Variants in CNTN5 observed in about 807,000 individuals in gnomAD.
The protein encoded by CNTN5 is contactin-5.
Under a neutral mutation model 129.1 loss-of-function variants are expected in CNTN5, and 77 were observed. The ratio of observed to expected loss-of-function variants is 0.60; its 90% CI spans 0.50 to 0.72. The LOEUF (loss-of-function observed/expected upper bound fraction) is 0.72. Ranked by LOEUF, CNTN5 falls within the 30% of genes least tolerant of loss-of-function variation. The pLI, the probability that CNTN5 is intolerant of heterozygous loss-of-function variation, is 0.00. For missense variants in CNTN5, 1,478 were observed against 1,328.8 expected, an observed-to-expected ratio of 1.11 and a Z score of -1.75; for synonymous variants, 509 against 465.6, an observed-to-expected ratio of 1.09 and a Z score of -1.20.
intron 13 of CNTN5, among the ~76,000 whole-genome samples, chr11:100,083,235 T>C (rs1944427551): frequency 6.6e-6 from 1 of 151,040 alleles, no homozygotes; most frequent in South Asian, 2.1e-4. Flanking sequence ...GAGAATCACT[T>C]GAACCCAGGA....
At chr11:99,615,865 G>A (rs1010002373) in intron 3 of CNTN5, among the ~76,000 whole-genome samples, 4 of 151,658 alleles carry the variant, frequency 2.6e-5, no homozygotes, top group Admixed American at 6.6e-5. Context: ...GCACTCAAGC[G>A]ATCCTCCCAC....
chr11:99,343,724 C>T (rs545033359), intron 2 of CNTN5, among the ~76,000 whole-genome samples: 1 of 152,244 alleles, frequency 6.6e-6, no homozygotes, highest in African/African-American at 2.4e-5. Context: ...ATGAAAAACT[C>T]ATAATGACCA....
intron 3 of CNTN5, among the ~76,000 whole-genome samples, chr11:99,753,517 A>G (rs1425030535): frequency 6.6e-6 from 1 of 151,010 alleles, no homozygotes. Flanking sequence ...AATGTCCCAT[A>G]TTTCTCCCTG....
intron 10 of CNTN5, among the ~76,000 whole-genome samples, chr11:100,068,865 C>T (rs952058018): frequency 5.3e-5 from 8 of 152,096 alleles, no homozygotes; most frequent in Non-Finnish European, 4.4e-5. Flanking sequence ...AGCAAAATTC[C>T]CTCTTAGAAA....
At chr11:99,453,217 T>C (rs2135201135) in intron 2 of CNTN5, among the ~76,000 whole-genome samples, 1 of 152,360 alleles carries the variant, frequency 6.6e-6, no homozygotes, top group South Asian at 2.1e-4. Flanking sequence ...TTATTCATTT[T>C]TTTAGACATA....
chr11:99,866,429 C>T (rs1948359061), intron 6 of CNTN5, among the ~76,000 whole-genome samples: 1 of 152,078 alleles, frequency 6.6e-6, no homozygotes, highest in African/African-American at 2.4e-5. Context: ...ATTTGCAATA[C>T]AATCTGCAAG....
rs1339511374 is a variant in CNTN5 at position 99,446,262 on chromosome 11, C to G, written c.-70-109883C>G. Among the ~76,000 whole-genome samples, 4 of 151,976 alleles carry G rather than the reference C, an allele frequency of 2.6e-5. 1 individual carries two copies. The highest frequency in any genetic ancestry group is 2.1e-4 in the South Asian group (1 of 4,816). ...ATTTTAGCTGTGGACATTTTTGAAGCCTTGGTGCACATTATTTTCTTTCTG... is the reference window on the plus strand; with the variant it reads ...ATTTTAGCTGTGGACATTTTTGAAGGCTTGGTGCACATTATTTTCTTTCTG... On this transcript the variant is annotated intron_variant, in intron 2 of 24. Transcript: ENST00000524871.
At chr11:99,114,189 T>G (rs575197469) in intron 1 of CNTN5, among the ~76,000 whole-genome samples, 1 of 147,690 alleles carries the variant, frequency 6.8e-6, no homozygotes, top group African/African-American at 2.5e-5. Flanking sequence ...CATTTCAGCC[T>G]TTGTCTTTCT....
intron 3 of CNTN5, among the ~76,000 whole-genome samples, chr11:99,574,954 G>T (rs1843027179): frequency 6.6e-6 from 1 of 152,000 alleles, no homozygotes; most frequent in African/African-American, 2.4e-5. Context: ...GTACATTTTT[G>T]GGAAATAGAC....
At chr11:99,918,667 T>C (rs1949856161) in intron 7 of CNTN5, among the ~76,000 whole-genome samples, 1 of 152,156 alleles carries the variant, frequency 6.6e-6, no homozygotes, top group African/African-American at 2.4e-5. Flanking sequence ...TATAGTACAG[T>C]ATATGGTACA....
chr11:99,673,409 A>T (rs962138620), intron 3 of CNTN5, among the ~76,000 whole-genome samples: 6 of 152,316 alleles, frequency 3.9e-5, no homozygotes, highest in African/African-American at 1.4e-4. Flanking sequence ...ACTTCTGTAA[A>T]GCATCAAGAA....
intron 2 of CNTN5, among the ~76,000 whole-genome samples, chr11:99,349,173 C>T (rs1378231168): frequency 6.6e-6 from 1 of 152,090 alleles, no homozygotes; most frequent in East Asian, 1.9e-4. Context: ...GCCAGACCAC[C>T]CTGAATGTGC....
At chr11:100,289,989 G>A (rs1337520460) in intron 18 of CNTN5, among the ~76,000 whole-genome samples, 2 of 151,032 alleles carry the variant, frequency 1.3e-5, no homozygotes, top group African/African-American at 4.9e-5. Flanking sequence ...CAAATCATGA[G>A]TGAACTCCCA....
intron 1 of CNTN5, among the ~76,000 whole-genome samples, chr11:99,097,663 A>G (rs1046591396): frequency 8.6e-5 from 13 of 152,018 alleles, no homozygotes; most frequent in Non-Finnish European, 1.5e-4. Context: ...CTTTATATCT[A>G]TTTTTGAAAA....
rs1940655907 is a variant in CNTN5 at position 100,013,612 on chromosome 11, C to G, written c.980+11476C>G. On this transcript the variant is annotated intron_variant, in intron 9 of 24. Transcript: ENST00000524871. ...GATTACAAACAGGAATGAATTTAGG[C>G]AAATTATGTATCCCATTTGACCTGT... 5.9e-5 allele frequency among the ~76,000 whole-genome samples: 9 copies of G among 152,144 alleles called. No individual in the cohort carries two copies. The South Asian group carries it at 1.9e-3, about 31-fold the overall frequency.
intron 9 of CNTN5, among the ~76,000 whole-genome samples, chr11:100,051,094 G>A (rs1226260648): frequency 6.6e-6 from 1 of 151,906 alleles, no homozygotes. Context: ...ATTATAAGAA[G>A]AACAAGAAGA....
At chr11:99,736,202 G>A (rs1344002574) in intron 3 of CNTN5, among the ~76,000 whole-genome samples, 1 of 152,156 alleles carries the variant, frequency 6.6e-6, no homozygotes, top group Non-Finnish European at 1.5e-5. Context: ...AAGTTGCAGG[G>A]CTAGACAGAG....
chr11:99,681,301 ATGCTAT>A (rs1192342170), intron 3 of CNTN5, among the ~76,000 whole-genome samples: 1 of 151,906 alleles, frequency 6.6e-6, no homozygotes, highest in African/African-American at 2.4e-5. Flanking sequence ...AGTGAGTAAA[ATGCTAT>A]CAAACAGCAT....
chr11:99,355,433 C>A (rs1465067163), intron 2 of CNTN5, among the ~76,000 whole-genome samples: 1 of 152,104 alleles, frequency 6.6e-6, no homozygotes, highest in Non-Finnish European at 1.5e-5. Flanking sequence ...GACCCCAAAA[C>A]AAGGATAACT....
Sources: allele counts gnomAD v4.1 joint callset (sites outside exome capture counted in the v4.1 genomes callset), GRCh38; gene constraint gnomAD v4.1.1; transcripts MANE v1.5; gene names NCBI Gene and HGNC (gene_info 2026-07-23, HGNC 2026-07-21).